STXBP5L: variants seen among roughly 807,000 people sequenced by gnomAD.
The protein encoded by STXBP5L is syntaxin-binding protein 5-like.
STXBP5L carries 65 observed loss-of-function variants against 144.5 expected under a neutral mutation model. The observed-to-expected ratio is 0.45, with a 90% CI of 0.37 to 0.55. The LOEUF (loss-of-function observed/expected upper bound fraction) is 0.55, where lower values mean the gene tolerates loss of function less well. Among genes scored for constraint, STXBP5L ranks in the 20% least tolerant of loss-of-function variants. The pLI is 0.00. For synonymous variants in STXBP5L, 505 were observed against 469.6 expected (o/e 1.08, Z -0.97); for missense variants, 1,298 against 1,405.5 (o/e 0.92, Z 1.22).
intron 5 of STXBP5L, among the ~76,000 whole-genome samples, chr3:121,104,654 C>T (rs987847003): frequency 1.3e-5 from 2 of 152,208 alleles, no homozygotes; most frequent in Admixed American, 6.5e-5. Context: ...GGAAAGAACA[C>T]CCAATTCAAC....
At chr3:121,005,014 T>C (rs943898428) in intron 3 of STXBP5L, among the ~76,000 whole-genome samples, 1 of 152,162 alleles carries the variant, frequency 6.6e-6, no homozygotes, top group African/African-American at 2.4e-5. Context: ...AAAATTCTCT[T>C]TTTTGGTTGT....
intron 5 of STXBP5L, among the ~76,000 whole-genome samples, chr3:121,054,543 A>AAC (rs1040427405): frequency 1.4e-5 from 2 of 140,652 alleles, no homozygotes; most frequent in Non-Finnish European, 3.0e-5. Context: ...GAACAATGAG[A>AAC]ACACATGGAC....
intron 5 of STXBP5L, among the ~76,000 whole-genome samples, chr3:121,087,574 G>A (rs531423012): frequency 9.2e-5 from 14 of 151,950 alleles, no homozygotes; most frequent in Non-Finnish European, 1.8e-4. Flanking sequence ...TATATTCAAA[G>A]TGTATTTCTT....
At chr3:121,143,596 A>C (rs1263148389) in intron 7 of STXBP5L, among the ~76,000 whole-genome samples, 2 of 151,900 alleles carry the variant, frequency 1.3e-5, no homozygotes, top group Non-Finnish European at 2.9e-5. Flanking sequence ...TGACAATTGC[A>C]TAAAAACAGA....
intron 3 of STXBP5L, among the ~76,000 whole-genome samples, chr3:120,990,010 G>C (rs1171679372): frequency 2.6e-5 from 4 of 152,110 alleles, no homozygotes; most frequent in African/African-American, 9.7e-5. Flanking sequence ...AAACGAGGAA[G>C]TCAAATTGTC....
chr3:121,037,120 TG>T (rs1946815128), intron 3 of STXBP5L, among the ~76,000 whole-genome samples: 2 of 151,954 alleles, frequency 1.3e-5, no homozygotes, highest in Middle Eastern at 3.4e-3. Flanking sequence ...TCTGTAGAGA[TG>T]GGGGTCTCAC....
intron 7 of STXBP5L, among the ~76,000 whole-genome samples, chr3:121,122,265 T>C (rs2044501937): frequency 6.6e-6 from 1 of 150,582 alleles, no homozygotes; most frequent in African/African-American, 2.4e-5. Context: ...ATAGGTTTGG[T>C]TCTTTATTTT....
intron 5 of STXBP5L, among the ~76,000 whole-genome samples, chr3:121,102,852 C>G (rs1256934171): frequency 6.6e-6 from 1 of 151,930 alleles, no homozygotes; most frequent in Non-Finnish European, 1.5e-5. Flanking sequence ...GATAATTCAA[C>G]AAGCAAGAAA....
At position 121,418,342 on chromosome 3, in the gene STXBP5L, G is replaced by A; in HGVS notation, c.3232G>A (p.Glu1078Lys). The A allele has an allele frequency of 6.2e-7, 1 of 1,612,982 alleles. No individual in the cohort carries two copies. The highest frequency in any genetic ancestry group is 1.1e-5 in the South Asian group (1 of 90,934). Residue 1078 changes from glutamate (E) to lysine (K), a missense_variant, in exon 26 of 27, where the codon GAA becomes AAA. Glu to Lys is a moderately conservative substitution (Grantham distance 56). Transcript: ENST00000471454. ...GCTATTGCATATATTCTCAGTTGGG[G>A]AAGCTTCGGCAGGAAAAGCATCCCG... ...QTFDREELFGEASAGKASRSL... is the reference protein window; with the variant it reads ...QTFDREELFGKASAGKASRSL...
At chr3:121,253,588 T>C (rs1184610131) in intron 15 of STXBP5L, among the ~76,000 whole-genome samples, 1 of 149,652 alleles carries the variant, frequency 6.7e-6, no homozygotes, top group Non-Finnish European at 1.5e-5. Context: ...TTTATATATA[T>C]ACATATATAT....
At chr3:120,909,298 G>A (rs1466224807) in intron 1 of STXBP5L, 2 of 332,644 alleles carry the variant, frequency 6.0e-6, no homozygotes, top group African/African-American at 4.5e-5. Flanking sequence ...CGTAGTTACA[G>A]CTGGGGATAC....
chr3:121,332,906 G>A (rs1330703746), intron 20 of STXBP5L, among the ~76,000 whole-genome samples: 1 of 151,998 alleles, frequency 6.6e-6, no homozygotes, highest in Non-Finnish European at 1.5e-5. Flanking sequence ...AAACCAGAAG[G>A]GATTCAGGCT....
chr3:121,044,009 C>G (rs1209700138), intron 4 of STXBP5L, among the ~76,000 whole-genome samples: 2 of 151,996 alleles, frequency 1.3e-5, no homozygotes, highest in Non-Finnish European at 2.9e-5. Context: ...ATAAATTTCT[C>G]GTTTGTTTAT....
At chr3:121,182,388 C>G (rs981912532) in intron 9 of STXBP5L, among the ~76,000 whole-genome samples, 1 of 152,122 alleles carries the variant, frequency 6.6e-6, no homozygotes, top group African/African-American at 2.4e-5. Flanking sequence ...TTAACAAATA[C>G]ATGGAAATTA....
At chr3:121,046,665 C>G (rs533344440) in intron 5 of STXBP5L, among the ~76,000 whole-genome samples, 5 of 152,058 alleles carry the variant, frequency 3.3e-5, no homozygotes, top group Non-Finnish European at 7.4e-5. Flanking sequence ...TCATAGCAGT[C>G]TCTGAGGGTT....
intron 7 of STXBP5L, among the ~76,000 whole-genome samples, chr3:121,141,991 A>G (rs1157361257): frequency 2.6e-5 from 4 of 152,140 alleles, no homozygotes; most frequent in Non-Finnish European, 5.9e-5. Flanking sequence ...AAAATAAAAA[A>G]CAAGACCCAA....
At chr3:121,222,160 T>G (rs1406000145) in intron 10 of STXBP5L, among the ~76,000 whole-genome samples, 1 of 152,064 alleles carries the variant, frequency 6.6e-6, no homozygotes, top group Admixed American at 6.6e-5. Context: ...CTTGAAAATA[T>G]TTTTTGCTAA....
chr3:121,253,177 C>T (rs2050082034), intron 15 of STXBP5L, among the ~76,000 whole-genome samples: 3 of 151,790 alleles, frequency 2.0e-5, no homozygotes, highest in African/African-American at 7.3e-5. Flanking sequence ...CAGGCTATAG[C>T]ACGCAATACA....
chr3:121,349,185 A>G (rs1576247206), intron 20 of STXBP5L, among the ~76,000 whole-genome samples: 1 of 152,130 alleles, frequency 6.6e-6, no homozygotes, highest in Non-Finnish European at 1.5e-5. Flanking sequence ...TTCAAAGAAC[A>G]TCTTTATTTC....
Sources: gnomAD v4.1 joint callset for allele counts (sites outside exome capture counted in the v4.1 genomes callset) on GRCh38, gnomAD v4.1.1 for gene constraint, MANE v1.5 for transcripts, NCBI Gene and HGNC (gene_info 2026-07-23, HGNC 2026-07-21) for gene names.